Variants in SYTL2 observed in about 807,000 individuals in gnomAD.
The protein encoded by SYTL2 is synaptotagmin-like protein 2.
In SYTL2, 165 loss-of-function variants were observed where a neutral mutation model predicts 198.7. The ratio of observed to expected loss-of-function variants is 0.83; its 90% confidence interval spans 0.73 to 0.94. The LOEUF is 0.94. SYTL2 is among the 40% of genes least tolerant of loss of function. The pLI is 0.00. For missense variants in SYTL2, 2,835 were observed against 2,582.8 expected, an observed-to-expected ratio of 1.10 and a Z score of -2.12; for synonymous variants, 966 against 917.7, an observed-to-expected ratio of 1.05 and a Z score of -0.95.
intron 2 of SYTL2, among the ~76,000 whole-genome samples, chr11:85,755,744 T>G (rs1046603476): frequency 2.0e-5 from 3 of 152,126 alleles, no homozygotes; most frequent in African/African-American, 7.2e-5. Context: ...CTCAGCAGCT[T>G]GGAATCCCAG....
the SYTL2 span, chr11:85,853,291 G>A: frequency 2.3e-6 from 1 of 441,126 alleles, no homozygotes; most frequent in South Asian, 1.6e-5. Context: ...AGTAGACATA[G>A]GAGACTCCAT....
intron 1 of SYTL2, among the ~76,000 whole-genome samples, chr11:85,809,045 G>A (rs569946698): frequency 6.6e-6 from 1 of 152,314 alleles, no homozygotes; most frequent in South Asian, 2.1e-4. Flanking sequence ...ACCTAGACTA[G>A]CATCTGGGTT....
chr11:85,741,124 T>C (rs1157397418), intron 4 of SYTL2, among the ~76,000 whole-genome samples: 1 of 152,012 alleles, frequency 6.6e-6, no homozygotes, highest in Middle Eastern at 3.2e-3. Context: ...ATTCTACAAG[T>C]GTTGTTGACT....
chr11:85,767,190 G>A (rs946023490), intron 1 of SYTL2, among the ~76,000 whole-genome samples: 2 of 152,232 alleles, frequency 1.3e-5, no homozygotes, highest in African/African-American at 2.4e-5. Context: ...AATTCTTTGC[G>A]TGGATGAGGA....
At chr11:85,818,602 AT>A in the SYTL2 span, among the ~76,000 whole-genome samples, 3,347 of 152,276 alleles carry the variant, frequency 0.022, 49 homozygotes, top group African/African-American at 0.037. Context: ...ATGGAAAAAA[AT>A]ATCCACTTGC....
intron 1 of SYTL2, among the ~76,000 whole-genome samples, chr11:85,774,899 T>C (rs1216548579): frequency 6.6e-6 from 1 of 152,188 alleles, no homozygotes; most frequent in Admixed American, 6.5e-5. Flanking sequence ...GCTCTGCTAC[T>C]GAAAACTGAA....
rs1434569867 is a variant in SYTL2, at chr11:85,724,338, C to T, written c.5020G>A (p.Gly1674Arg). Residue 1674 changes from glycine (G) to arginine (R), a missense_variant, in exon 8 of 20, where the codon GGG becomes AGG. This residue lies in a region of SYTL2 where 2,645 missense variants were observed against 2,381.7 expected (regional missense o/e 1.11). Coordinates refer to ENST00000359152, the MANE Select transcript of SYTL2 (RefSeq NM_206927.4). ...TPQLYVAHEI[G>R]TIKTVTPPED... ...GGGGGGGTTACAGTTTTAATGGTCC[C>T]TATTTCATGAGCCACATAAAGTTGT... 6 of 1,583,132 alleles carry T rather than the reference C, an allele frequency of 3.8e-6. No individual in the cohort carries two copies. Among genetic ancestry groups the T allele is most frequent in the Non-Finnish European group, 5.1e-6 (6 of 1,167,578 alleles).
the SYTL2 span, chr11:85,853,989 C>G: frequency 6.6e-6 from 1 of 151,986 alleles, no homozygotes; most frequent in Non-Finnish European, 1.5e-5. Flanking sequence ...GGACTACAGG[C>G]ACTCACCACT....
intron 1 of SYTL2, among the ~76,000 whole-genome samples, chr11:85,758,474 T>A (rs1355011536): frequency 6.6e-6 from 1 of 152,196 alleles, no homozygotes; most frequent in East Asian, 1.9e-4. Flanking sequence ...CAAGCAAGAA[T>A]CTAGAAATAA....
At chr11:85,817,141 G>A in the SYTL2 span, among the ~76,000 whole-genome samples, 2 of 152,202 alleles carry the variant, frequency 1.3e-5, no homozygotes, top group African/African-American at 2.4e-5. Context: ...GAGCACTTGT[G>A]TGACAAAGTG....
intron 1 of SYTL2, among the ~76,000 whole-genome samples, chr11:85,789,312 A>G (rs1281130565): frequency 4.3e-5 from 4 of 92,910 alleles, no homozygotes; most frequent in African/African-American, 1.7e-4. Flanking sequence ...TATTTATATG[A>G]TGTGTGTGTG....
intron 1 of SYTL2, among the ~76,000 whole-genome samples, chr11:85,809,708 T>C (rs943186369): frequency 1.3e-5 from 2 of 152,180 alleles, no homozygotes; most frequent in Non-Finnish European, 2.9e-5. Flanking sequence ...ATATATTACA[T>C]ACAAAGAAGT....
chr11:85,718,635 C>T, intron 10 of SYTL2, 155 bp downstream of exon 10: 1 of 647,542 alleles, frequency 1.5e-6, no homozygotes, highest in South Asian at 1.9e-5. Flanking sequence ...TTAAATGTAC[C>T]AAATCAGAAC....
the SYTL2 span, among the ~76,000 whole-genome samples, chr11:85,843,473 C>T: frequency 2.0e-5 from 3 of 152,006 alleles, no homozygotes; most frequent in Admixed American, 2.0e-4. Flanking sequence ...GGAACATAGC[C>T]TTGAGGAGGA....
At chr11:85,796,300 G>A (rs372298165) in intron 1 of SYTL2, among the ~76,000 whole-genome samples, 2 of 152,000 alleles carry the variant, frequency 1.3e-5, no homozygotes, top group African/African-American at 2.4e-5. Flanking sequence ...GATGATTCAC[G>A]TTAAACACCC....
intron 9 of SYTL2, among the ~76,000 whole-genome samples, chr11:85,719,921 T>G (rs2088031986): frequency 6.6e-6 from 1 of 152,228 alleles, no homozygotes; most frequent in Non-Finnish European, 1.5e-5. Context: ...TTCAATCATA[T>G]GAGTTTGGCA....
intron 1 of SYTL2, among the ~76,000 whole-genome samples, chr11:85,769,106 G>A (rs544235050): frequency 1.3e-5 from 2 of 152,202 alleles, no homozygotes; most frequent in East Asian, 1.9e-4. Context: ...AAAAAAGTTT[G>A]ATAAGTTATG....
chr11:85,843,394 CA>C, the SYTL2 span, among the ~76,000 whole-genome samples: 1 of 152,018 alleles, frequency 6.6e-6, no homozygotes, highest in African/African-American at 2.4e-5. Flanking sequence ...TAAAAAATAA[CA>C]GTCTAGAATG....
intron 4 of SYTL2, among the ~76,000 whole-genome samples, chr11:85,740,904 A>C (rs978276864): frequency 2.0e-5 from 3 of 152,246 alleles, no homozygotes; most frequent in Non-Finnish European, 4.4e-5. Flanking sequence ...CACTGGGGGA[A>C]GAGGTTTTAC....
Sources: gnomAD v4.1 joint callset for allele counts (sites outside exome capture counted in the v4.1 genomes callset) on GRCh38, gnomAD v4.1.1 for gene constraint, gnomAD v4.1.1 regional missense constraint, MANE v1.5 for transcripts, NCBI Gene and HGNC (gene_info 2026-07-23, HGNC 2026-07-21) for gene names.